PARD3: variants seen among roughly 807,000 people sequenced by gnomAD.
PARD3 encodes par-3 family cell polarity regulator.
Under a neutral mutation model 155.4 loss-of-function variants are expected in PARD3, and 75 were observed. The observed-to-expected ratio is 0.48, with a 90% CI of 0.40 to 0.58. The LOEUF is 0.58. PARD3 is among the 20% of genes least tolerant of loss of function. The pLI, the probability that PARD3 is intolerant of heterozygous loss-of-function variation, is 0.00. For missense variants in PARD3, 1,642 were observed against 1,721.7 expected (o/e 0.95, Z 0.82); for synonymous variants, 576 against 610.5 (o/e 0.94, Z 0.83).
chr10:34,597,075 T>C (rs1036052190), intron 2 of PARD3, among the ~76,000 whole-genome samples: 2 of 152,064 alleles, frequency 1.3e-5, no homozygotes, highest in African/African-American at 4.8e-5. Context: ...AGATTCTGGG[T>C]GTTACGCTGG....
At chr10:34,305,999 A>G (rs1957389799) in intron 20 of PARD3, among the ~76,000 whole-genome samples, 1 of 151,788 alleles carries the variant, frequency 6.6e-6, no homozygotes. Context: ...TTTATTAAAA[A>G]AATTCAAAAT....
intron 4 of PARD3, among the ~76,000 whole-genome samples, chr10:34,456,536 G>A (rs191485543): frequency 1.5e-3 from 227 of 152,194 alleles, no homozygotes; most frequent in African/African-American, 5.2e-3. Context: ...GACCTCAGGC[G>A]ATCCGCTCAC....
intron 1 of PARD3, among the ~76,000 whole-genome samples, chr10:34,807,404 T>C (rs370144260): frequency 2.0e-5 from 3 of 152,226 alleles, no homozygotes; most frequent in African/African-American, 4.8e-5. Flanking sequence ...CACATAACCA[T>C]AAACTCCATC....
intron 20 of PARD3, among the ~76,000 whole-genome samples, chr10:34,304,566 C>T (rs1454398214): frequency 1.3e-5 from 2 of 152,122 alleles, no homozygotes; most frequent in Non-Finnish European, 2.9e-5. Context: ...AAAACCTACC[C>T]GGAAGGGTAA....
chr10:34,484,034 C>T lies in PARD3; in HGVS notation c.404-13771G>A, dbSNP rs189894448. The stretch of plus-strand genomic sequence containing the variant: ...ACTAACTGTGCTTAGGAATGCTAGA[C>T]ATCATGTTGGTATTATGCTTGGGCG... On this transcript the variant is annotated intron_variant, in intron 3 of 24. Transcript: ENST00000374788. Among the ~76,000 whole-genome samples the T allele has an allele frequency of 7.3e-3, 1,107 of 152,310 alleles. 14 individuals are homozygous for T. The highest frequency in any genetic ancestry group is 0.026 in the African/African-American group (1,064 of 41,572).
At chr10:34,318,261 C>T (rs61842463) in intron 19 of PARD3, among the ~76,000 whole-genome samples, 11,241 of 152,260 alleles carry the variant, frequency 0.074, 570 homozygotes, top group Non-Finnish European at 0.1. Context: ...CAGAGAGACA[C>T]GTATGAACAT....
chr10:34,243,824 A>ATG (rs1953767659), intron 22 of PARD3, among the ~76,000 whole-genome samples: 1 of 152,206 alleles, frequency 6.6e-6, no homozygotes, highest in African/African-American at 2.4e-5. Flanking sequence ...ATATATATAT[A>ATG]TGTATATAGT....
At chr10:34,206,755 C>T (rs546342646) in intron 22 of PARD3, among the ~76,000 whole-genome samples, 3 of 152,308 alleles carry the variant, frequency 2.0e-5, no homozygotes, top group South Asian at 4.1e-4. Flanking sequence ...CCATGGAAAG[C>T]AGTGGAAACT....
chr10:34,203,094 G>A (rs1428516273), intron 22 of PARD3, among the ~76,000 whole-genome samples: 1 of 152,098 alleles, frequency 6.6e-6, no homozygotes, highest in African/African-American at 2.4e-5. Context: ...CCAGTTTCTC[G>A]CTCTGCCTGT....
chr10:34,126,818 G>GAAAA (rs550942430), intron 23 of PARD3, among the ~76,000 whole-genome samples: 205 of 73,372 alleles, frequency 2.8e-3, no homozygotes, highest in African/African-American at 9.0e-3. Flanking sequence ...TCTTGAAAAT[G>GAAAA]AAAAAAAAAA....
chr10:34,245,327 T>C (rs975981115), intron 22 of PARD3, among the ~76,000 whole-genome samples: 1 of 152,066 alleles, frequency 6.6e-6, no homozygotes, highest in African/African-American at 2.4e-5. Context: ...GAAAGAGCCC[T>C]AGGTGACTAG....
At chr10:34,327,579 T>G (rs970063525) in intron 19 of PARD3, among the ~76,000 whole-genome samples, 2 of 152,126 alleles carry the variant, frequency 1.3e-5, no homozygotes, top group African/African-American at 4.8e-5. Flanking sequence ...AGAGGAAAAG[T>G]GCCACATGAT....
chr10:34,150,699 G>C (rs1326623120), intron 22 of PARD3, among the ~76,000 whole-genome samples: 8 of 152,182 alleles, frequency 5.3e-5, no homozygotes, highest in Non-Finnish European at 1.0e-4. Flanking sequence ...GCTATGGCAG[G>C]TGAATCTGCT....
intron 22 of PARD3, among the ~76,000 whole-genome samples, chr10:34,221,145 G>A (rs1346943742): frequency 3.3e-5 from 5 of 152,196 alleles, no homozygotes; most frequent in Non-Finnish European, 7.3e-5. Context: ...TTCCCGTCTT[G>A]CCACTCTCAC....
chr10:34,352,980 G>A (rs1161024375), intron 14 of PARD3, among the ~76,000 whole-genome samples: 1 of 128,648 alleles, frequency 7.8e-6, no homozygotes, highest in Non-Finnish European at 1.9e-5. Context: ...TGTGAGGAGT[G>A]TCTCTGCCGG....
Position 34,714,623 on chromosome 10 carries a change from G to A in PARD3, c.121-18204C>T, listed in dbSNP as rs577217827. Among the ~76,000 whole-genome samples, 4 of 152,228 alleles carry A rather than the reference G, an allele frequency of 2.6e-5. No homozygotes were observed. In the East Asian group the frequency reaches 5.8e-4, roughly 22 times the overall value. On this transcript the variant is annotated intron_variant, in intron 1 of 24. Transcript: ENST00000374788. ...TGTCTCCTCAGGATTGCTGATGTCTGAGGTGGAGTTCCCATCTCCTTGCAG... is the reference window on the plus strand; with the variant it reads ...TGTCTCCTCAGGATTGCTGATGTCTAAGGTGGAGTTCCCATCTCCTTGCAG...
At chr10:34,470,658 G>A (rs991148821) in intron 3 of PARD3, among the ~76,000 whole-genome samples, 25 of 152,176 alleles carry the variant, frequency 1.6e-4, no homozygotes, top group African/African-American at 5.8e-4. Flanking sequence ...GACATATAGT[G>A]TGTACTCAGT....
chr10:34,450,428 G>T lies in PARD3; in HGVS notation c.603C>A (p.Ser201Arg), dbSNP rs758053871. 1 of 1,610,670 alleles carries T rather than the reference G, an allele frequency of 6.2e-7. No individual in the cohort carries two copies. Reference sequence around the variant, plus strand: ...ACCAGTTACTAGTATCCCGCGGGAGGCTTCTGTAGTTTTCATCTTTCTATT... The same window carrying T: ...ACCAGTTACTAGTATCCCGCGGGAGTCTTCTGTAGTTTTCATCTTTCTATT... ...CDRKKDENYR[S>R]LPRDTSNWSN... Residue 201 changes from serine to arginine, a missense_variant, in exon 5 of 25, where the codon AGC becomes AGA. Around this residue, in one of 3 missense-constraint regions of PARD3, gnomAD observed 1,529 missense variants for 1,587.3 expected, o/e 0.96. Transcript: ENST00000374788.
chr10:34,723,231 C>A (rs1343353080), intron 1 of PARD3, among the ~76,000 whole-genome samples: 1 of 152,126 alleles, frequency 6.6e-6, no homozygotes, highest in East Asian at 1.9e-4. Context: ...GTAATCCCAG[C>A]TACTTGGGAG....
Sources: allele counts gnomAD v4.1 joint callset (sites outside exome capture counted in the v4.1 genomes callset), GRCh38; gene constraint gnomAD v4.1.1; regional missense constraint gnomAD v4.1.1; transcripts MANE v1.5; gene names NCBI Gene and HGNC (gene_info 2026-07-23, HGNC 2026-07-21).